DPP6: variants seen among roughly 807,000 people sequenced by gnomAD.
DPP6 encodes the protein A-type potassium channel modulatory protein DPP6.
In DPP6, 69 loss-of-function variants were observed where a neutral mutation model predicts 122.6. That is an observed-to-expected ratio of 0.56 (90% CI 0.46 to 0.69). The LOEUF (loss-of-function observed/expected upper bound fraction) is 0.69. Among genes scored for constraint, DPP6 ranks in the 30% least tolerant of loss-of-function variants. DPP6 has a pLI of 0.00. For synonymous variants in DPP6, 418 were observed against 433.1 expected, an observed-to-expected ratio of 0.97 and a Z score of 0.43; for missense variants, 928 against 1,116.9, an observed-to-expected ratio of 0.83 and a Z score of 2.41.
chr7:153,895,698 A>G (rs1038574912), intron 1 of DPP6, among the ~76,000 whole-genome samples: 3 of 150,950 alleles, frequency 2.0e-5, no homozygotes, highest in Admixed American at 6.6e-5. Flanking sequence ...GTGTGTGTGT[A>G]GCACACCATA....
chr7:154,058,291 C>T (rs539629749), intron 1 of DPP6: 5 of 150,018 alleles, frequency 3.3e-5, no homozygotes, highest in Non-Finnish European at 6.0e-5. Context: ...CCTCTTCCCC[C>T]CTTTGCTCTT....
At chr7:153,992,837 T>A (rs536437019) in intron 1 of DPP6, among the ~76,000 whole-genome samples, 6 of 152,326 alleles carry the variant, frequency 3.9e-5, no homozygotes, top group African/African-American at 9.6e-5. Context: ...TTCCTCACCC[T>A]ATAAGGGGCC....
chr7:154,752,018 A>G (rs1843420347), intron 8 of DPP6, among the ~76,000 whole-genome samples: 1 of 152,280 alleles, frequency 6.6e-6, no homozygotes, highest in East Asian at 1.9e-4. Flanking sequence ...ATGAGAAGAC[A>G]GAGTTTATTG....
intron 5 of DPP6, among the ~76,000 whole-genome samples, chr7:154,593,411 A>C (rs2130740246): frequency 6.6e-6 from 1 of 152,272 alleles, no homozygotes; most frequent in Admixed American, 6.5e-5. Flanking sequence ...GAAAAACCAA[A>C]CAGATGGGAT....
chr7:153,774,883 T>A, the DPP6 span, among the ~76,000 whole-genome samples: 3 of 151,936 alleles, frequency 2.0e-5, no homozygotes, highest in African/African-American at 7.3e-5. Flanking sequence ...CAGGAGGATC[T>A]CTTGAGCCCA....
intron 1 of DPP6, among the ~76,000 whole-genome samples, chr7:154,294,975 G>A (rs956031929): frequency 6.6e-6 from 1 of 152,232 alleles, no homozygotes; most frequent in African/African-American, 2.4e-5. Context: ...GGTGGCAGGA[G>A]GTGACCGAGG....
intron 7 of DPP6, among the ~76,000 whole-genome samples, chr7:154,719,236 G>A (rs1237346756): frequency 2.0e-5 from 3 of 152,128 alleles, no homozygotes; most frequent in Non-Finnish European, 4.4e-5. Context: ...TGCCGGGCTT[G>A]TCTTGGTTAC....
At chr7:154,600,235 C>T (rs1833351256) in intron 5 of DPP6, among the ~76,000 whole-genome samples, 1 of 140,162 alleles carries the variant, frequency 7.1e-6, no homozygotes, top group South Asian at 2.6e-4. Flanking sequence ...TCAAGCGATT[C>T]TCCTGACTCA....
the DPP6 span, among the ~76,000 whole-genome samples, chr7:153,773,326 A>T: frequency 0.018 from 873 of 47,242 alleles, 8 homozygotes; most frequent in African/African-American, 0.037. Context: ...ATATATATAT[A>T]TATATTTTTT....
In DPP6 at chr7:154,824,664, T is replaced by C. The variant is rs77243716; in HGVS notation, c.1666+17552T>C. Among the ~76,000 whole-genome samples the C allele has an allele frequency of 5.9e-3, 905 of 152,366 alleles. 14 individuals carry two copies. Among genetic ancestry groups the C allele is most frequent in the African/African-American group, 0.021 (861 of 41,584 alleles). On this transcript the variant is annotated intron_variant, in intron 16 of 25. Transcript: ENST00000377770. ...TCCTAACAAAAGTTTTTACTTTAGC[T>C]ATGAAGACATAAAAAGAATCAGTCC...
At chr7:153,784,819 A>T in the DPP6 span, among the ~76,000 whole-genome samples, 2 of 152,152 alleles carry the variant, frequency 1.3e-5, no homozygotes, top group Non-Finnish European at 2.9e-5. Flanking sequence ...GTGGATACAA[A>T]TTTTTTCTTA....
intron 7 of DPP6, among the ~76,000 whole-genome samples, chr7:154,708,227 A>G (rs1372124945): frequency 6.6e-6 from 1 of 152,236 alleles, no homozygotes; most frequent in African/African-American, 2.4e-5. Context: ...TTTAGCTCAA[A>G]GGTAACTGGG....
chr7:154,582,768 G>C (rs1482469489), intron 5 of DPP6, among the ~76,000 whole-genome samples: 1 of 152,206 alleles, frequency 6.6e-6, no homozygotes, highest in African/African-American at 2.4e-5. Context: ...ACTAAAGAAA[G>C]AAGCAGCTGC....
At chr7:154,589,034 G>T (rs1239354258) in intron 5 of DPP6, among the ~76,000 whole-genome samples, 1 of 152,114 alleles carries the variant, frequency 6.6e-6, no homozygotes, top group Non-Finnish European at 1.5e-5. Flanking sequence ...TTCATTGAGA[G>T]GTGTAGTTGA....
chr7:153,874,252 G>GCACACACACACACA, the DPP6 span, among the ~76,000 whole-genome samples: 86 of 150,200 alleles, frequency 5.7e-4, no homozygotes, highest in African/African-American at 2.0e-3. Context: ...GTGCGCACAT[G>GCACACACACACACA]CACACACACA....
intron 1 of DPP6, among the ~76,000 whole-genome samples, chr7:153,976,246 T>C (rs1796294674): frequency 6.6e-6 from 1 of 152,118 alleles, no homozygotes; most frequent in Non-Finnish European, 1.5e-5. Context: ...GTGTAGAATG[T>C]GAGGGAACCA....
rs555718020 is a variant in DPP6 at position 154,296,147 on chromosome 7, T to C, written c.244-150067T>C. Among the ~76,000 whole-genome samples, 22 of 152,196 alleles carry C rather than the reference T, an allele frequency of 1.4e-4. No individual in the cohort carries two copies. In the East Asian group the frequency reaches 4.3e-3, roughly 30 times the overall value. ...TTTTAGTAAAGACGGGGTTTCACCATGTTAGCCAGGATGGTCTCAATCTCG... is the reference window on the plus strand; with the variant it reads ...TTTTAGTAAAGACGGGGTTTCACCACGTTAGCCAGGATGGTCTCAATCTCG... On this transcript the variant is annotated intron_variant, in intron 1 of 25. Transcript: ENST00000377770.
intron 5 of DPP6, among the ~76,000 whole-genome samples, chr7:154,608,011 GCT>G (rs1229544768): frequency 1.4e-5 from 1 of 71,280 alleles, no homozygotes; most frequent in African/African-American, 3.7e-5. Context: ...ACAGAGTCTC[GCT>G]CTGTCACCCA....
intron 8 of DPP6, among the ~76,000 whole-genome samples, chr7:154,751,368 G>C (rs977949285): frequency 6.6e-6 from 1 of 152,026 alleles, no homozygotes; most frequent in Non-Finnish European, 1.5e-5. Context: ...GGGAGACCAA[G>C]GCGGGCCGAT....
Sources: allele counts gnomAD v4.1 joint callset (sites outside exome capture counted in the v4.1 genomes callset), GRCh38; gene constraint gnomAD v4.1.1; transcripts MANE v1.5; gene names NCBI Gene and HGNC (gene_info 2026-07-23, HGNC 2026-07-21).